The following NEK10 variants were observed in gnomAD, a reference collection of about 807,000 sequenced individuals.
The protein encoded by NEK10 is serine/threonine-protein kinase Nek10.
In NEK10, 122 loss-of-function variants were observed where a neutral mutation model predicts 159.8. The observed-to-expected ratio is 0.76, with a 90% CI of 0.66 to 0.89. The LOEUF is 0.89. NEK10 is among the 40% of genes least tolerant of loss of function. The pLI, the probability that NEK10 is intolerant of heterozygous loss-of-function variation, is 0.00. For missense variants in NEK10, 1,342 were observed against 1,323.1 expected, an observed-to-expected ratio of 1.01 and a Z score of -0.22; for synonymous variants, 466 against 457.1, an observed-to-expected ratio of 1.02 and a Z score of -0.25.
In NEK10 at chr3:27,147,684, A is replaced by G. The variant is rs146071294; in HGVS notation, c.2870-6102T>C. ...TATATTTAACTAACAATCTACACCA[A>G]TAAAGGAGCAGACAGTTTACAGGCC... On this transcript the variant is annotated intron_variant, in intron 30 of 35. Coordinates refer to ENST00000691995, the MANE Select transcript of NEK10 (RefSeq NM_001394966.1). Among the ~76,000 whole-genome samples the G allele has an allele frequency of 2.8e-3, 419 of 152,332 alleles. 3 individuals are homozygous for G. The highest frequency in any genetic ancestry group is 9.6e-3 in the African/African-American group (401 of 41,582).
intron 22 of NEK10, among the ~76,000 whole-genome samples, chr3:27,274,669 A>G (rs1476747747): frequency 6.6e-6 from 1 of 151,996 alleles, no homozygotes; most frequent in African/African-American, 2.4e-5. Context: ...ACACATGCAC[A>G]CACACACATA....
At chr3:27,360,769 T>C (rs1053308312) in intron 1 of NEK10, among the ~76,000 whole-genome samples, 2 of 152,064 alleles carry the variant, frequency 1.3e-5, no homozygotes, top group Non-Finnish European at 2.9e-5. Context: ...CATCATAGAG[T>C]GGTAAACAAA....
chr3:27,212,197 G>T (rs1175578502), intron 23 of NEK10, among the ~76,000 whole-genome samples: 1 of 152,118 alleles, frequency 6.6e-6, no homozygotes, highest in Non-Finnish European at 1.5e-5. Flanking sequence ...AATAATTTTT[G>T]ATTATTGCTT....
chr3:27,253,551 C>A (rs1955880271), intron 23 of NEK10, among the ~76,000 whole-genome samples: 1 of 152,174 alleles, frequency 6.6e-6, no homozygotes. Context: ...AATGTGCCCA[C>A]AAACCCTTTA....
At chr3:27,236,680 G>A (rs1474618772) in intron 23 of NEK10, among the ~76,000 whole-genome samples, 1 of 152,138 alleles carries the variant, frequency 6.6e-6, no homozygotes, top group Non-Finnish European at 1.5e-5. Context: ...AGGGGAGAGG[G>A]TGTATGAACA....
intron 22 of NEK10, among the ~76,000 whole-genome samples, chr3:27,273,424 T>C (rs773313955): frequency 2.6e-5 from 4 of 152,202 alleles, no homozygotes; most frequent in Non-Finnish European, 5.9e-5. Flanking sequence ...ACACTGTCAA[T>C]CTACAAACAG....
chr3:27,232,997 A>G (rs1205307260), intron 23 of NEK10, among the ~76,000 whole-genome samples: 2 of 152,088 alleles, frequency 1.3e-5, no homozygotes, highest in Non-Finnish European at 2.9e-5. Flanking sequence ...CATGACTAAG[A>G]CCCCAAAACC....
chr3:27,354,883 A>G (rs1319995216), intron 1 of NEK10, among the ~76,000 whole-genome samples: 1 of 152,184 alleles, frequency 6.6e-6, no homozygotes, highest in Non-Finnish European at 1.5e-5. Flanking sequence ...GCCTTCAGTC[A>G]TAACTCCCCA....
chr3:27,299,459 GA>G (rs2149527191), intron 13 of NEK10, among the ~76,000 whole-genome samples: 1 of 152,356 alleles, frequency 6.6e-6, no homozygotes, highest in South Asian at 2.1e-4. Context: ...GGCTCTCATG[GA>G]GAACATCTGC....
chr3:27,236,408 G>A (rs1249804856), intron 23 of NEK10, among the ~76,000 whole-genome samples: 1 of 152,158 alleles, frequency 6.6e-6, no homozygotes, highest in Non-Finnish European at 1.5e-5. Flanking sequence ...GCAGCAACTT[G>A]GGTGGAGCTG....
At chr3:27,128,472 T>G (rs936620782) in intron 32 of NEK10, among the ~76,000 whole-genome samples, 45 of 152,238 alleles carry the variant, frequency 3.0e-4, no homozygotes, top group African/African-American at 1.1e-3. Context: ...CTTATTAGCT[T>G]AAGTACTTCT....
rs1450731893 is a variant in NEK10 at position 27,257,858 on chromosome 3, G to T, written c.2015-1487C>A. ...GTCTGGAGTGCAGTGGCGCAATCTC[G>T]GCTTACTGCAAGCTCTGCCTGCCGG... On this transcript the variant is annotated intron_variant, in intron 22 of 35. Transcript: ENST00000691995. Among the ~76,000 whole-genome samples the T allele has an allele frequency of 2.7e-5, 4 of 148,116 alleles. No homozygotes were observed. In the South Asian group the frequency reaches 8.5e-4, roughly 31 times the overall value.
Position 27,308,991 on chromosome 3 carries a change from T to C in NEK10, c.651A>G (p.Leu217=), listed in dbSNP as rs2044463754. Residue 217 remains leucine, a synonymous_variant, in exon 10 of 36, where the codon TTA becomes TTG. Transcript: ENST00000691995. ...GAACATTAGTATCTCGGGCACCAAGTAAATTTACTAATGTCTGAAAAATGA... is the reference window on the plus strand; with the variant it reads ...GAACATTAGTATCTCGGGCACCAAGCAAATTTACTAATGTCTGAAAAATGA... The part of the protein sequence containing the change: ...TSGAHKTLVN[L]LGARDTNVLL... 6.3e-7 allele frequency: 1 copy of C among 1,580,550 alleles called. No homozygotes were observed. The highest frequency in any genetic ancestry group is 1.7e-5 in the Admixed American group (1 of 59,534).
intron 23 of NEK10, among the ~76,000 whole-genome samples, chr3:27,226,292 G>T (rs574091195): frequency 6.6e-6 from 1 of 151,566 alleles, no homozygotes; most frequent in Non-Finnish European, 1.5e-5. Flanking sequence ...TGACCTGCCT[G>T]CCTCGGCCTC....
intron 32 of NEK10, among the ~76,000 whole-genome samples, chr3:27,124,544 A>T (rs1941716061): frequency 6.6e-6 from 1 of 152,204 alleles, no homozygotes; most frequent in Non-Finnish European, 1.5e-5. Context: ...TACACAAGAA[A>T]CAGCTATTAA....
chr3:27,347,548 A>G (rs1227637357), intron 3 of NEK10, among the ~76,000 whole-genome samples: 1 of 151,384 alleles, frequency 6.6e-6, no homozygotes, highest in Non-Finnish European at 1.5e-5. Flanking sequence ...TTTTTTATTC[A>G]AAGAGAATAT....
At chr3:27,237,514 G>A (rs1354827191) in intron 23 of NEK10, among the ~76,000 whole-genome samples, 1 of 152,130 alleles carries the variant, frequency 6.6e-6, no homozygotes, top group Admixed American at 6.6e-5. Flanking sequence ...ATGTTCCTCT[G>A]CCGTGGCTCC....
Position 27,287,204 on chromosome 3 carries a change from A to C in NEK10, c.1789+494T>G, listed in dbSNP as rs538733560. Among the ~76,000 whole-genome samples, 177 of 150,846 alleles carry C rather than the reference A, an allele frequency of 1.2e-3. 1 individual carries two copies. The highest frequency in any genetic ancestry group is 2.1e-3 in the Non-Finnish European group (140 of 67,930). On this transcript the variant is annotated intron_variant, in intron 20 of 35. Coordinates refer to ENST00000691995, the MANE Select transcript of NEK10 (RefSeq NM_001394966.1). ...TGTTTTGGTTCTAGTTCAGCATTCC[A>C]TCATACCTGCAGAAAGCAAGCCTGG... is the stretch of plus-strand genomic sequence containing the variant.
At chr3:27,356,608 A>G (rs138743223) in intron 1 of NEK10, among the ~76,000 whole-genome samples, 88 of 152,252 alleles carry the variant, frequency 5.8e-4, no homozygotes, top group African/African-American at 2.1e-3. Flanking sequence ...CATGCCAACT[A>G]TATTCTTGCC....
Sources: allele counts gnomAD v4.1 joint callset (sites outside exome capture counted in the v4.1 genomes callset), GRCh38; gene constraint gnomAD v4.1.1; transcripts MANE v1.5; gene names NCBI Gene and HGNC (gene_info 2026-07-23, HGNC 2026-07-21).